The following PLD1 variants were observed in gnomAD, a reference collection of about 807,000 sequenced individuals.
PLD1 encodes phospholipase D1, also known as choline phosphatase 1.
A neutral mutation model predicts 137.1 loss-of-function variants in PLD1; 112 were observed. The ratio of observed to expected loss-of-function variants is 0.82; its 90% CI spans 0.70 to 0.96. The LOEUF (loss-of-function observed/expected upper bound fraction) is 0.96. PLD1 is among the 40% of genes least tolerant of loss of function. The pLI is 0.00. For synonymous variants in PLD1, 431 were observed against 454.7 expected, an observed-to-expected ratio of 0.95 and a Z score of 0.66; for missense variants, 1,321 against 1,342.0, an observed-to-expected ratio of 0.98 and a Z score of 0.24.
At chr3:171,688,639 C>T (rs759234686) in intron 14 of PLD1, 37 bp downstream of exon 14, 35 of 1,419,914 alleles carry the variant, frequency 2.5e-5, no homozygotes, top group Non-Finnish European at 3.3e-5. Flanking sequence ...AAATTATGTT[C>T]GTGTTATACA....
At position 171,654,445 on chromosome 3, in the gene PLD1, G is replaced by A. The variant is rs1261443078; in HGVS notation, c.2429+4768C>T. On this transcript the variant is annotated intron_variant, in intron 21 of 26. Transcript: ENST00000351298. ...TCAACTGACTATTTTCATTGTGTGTGTCAACTGTTTGTTGCTAACACTATA... is the reference window on the plus strand; with the variant it reads ...TCAACTGACTATTTTCATTGTGTGTATCAACTGTTTGTTGCTAACACTATA... Among the ~76,000 whole-genome samples, 5 of 151,978 alleles carry A rather than the reference G, an allele frequency of 3.3e-5. No homozygotes were observed. The East Asian group carries it at 7.7e-4, about 23-fold the overall frequency.
chr3:171,800,270 G>A (rs193236410), intron 1 of PLD1, among the ~76,000 whole-genome samples: 8 of 152,130 alleles, frequency 5.3e-5, no homozygotes, highest in East Asian at 3.9e-4. Context: ...GTGAAGTGGC[G>A]TGATCTCGGC....
At chr3:171,720,470 T>C (rs1428977557) in intron 8 of PLD1, among the ~76,000 whole-genome samples, 4 of 151,454 alleles carry the variant, frequency 2.6e-5, no homozygotes, top group Non-Finnish European at 2.9e-5. Flanking sequence ...TAGTCCCAGC[T>C]ACTCGGAGAG....
chr3:171,805,032 A>T (rs1444362939), intron 1 of PLD1, among the ~76,000 whole-genome samples: 6 of 152,188 alleles, frequency 3.9e-5, no homozygotes, highest in Non-Finnish European at 7.4e-5. Flanking sequence ...TTTGAAAAAG[A>T]TCACTGTTAA....
chr3:171,644,849 T>C, intron 22 of PLD1, 61 bp downstream of exon 22: 1 of 945,620 alleles, frequency 1.1e-6, no homozygotes, highest in Non-Finnish European at 1.8e-6. Context: ...TGCCATTCCC[T>C]TCATCAGCTT....
At chr3:171,657,786 G>A (rs777895719) in intron 21 of PLD1, among the ~76,000 whole-genome samples, 10 of 151,708 alleles carry the variant, frequency 6.6e-5, no homozygotes, top group Non-Finnish European at 1.0e-4. Context: ...AAGGACAAGC[G>A]ATACAAGGAA....
intron 1 of PLD1, among the ~76,000 whole-genome samples, chr3:171,783,753 C>T (rs749161681): frequency 6.6e-6 from 1 of 152,082 alleles, no homozygotes; most frequent in Non-Finnish European, 1.5e-5. Flanking sequence ...AGTGATTTTC[C>T]CACCTCATCC....
At chr3:171,629,549 T>C (rs1246983145) in intron 23 of PLD1, among the ~76,000 whole-genome samples, 2 of 152,066 alleles carry the variant, frequency 1.3e-5, no homozygotes, top group Non-Finnish European at 2.9e-5. Context: ...GAGCCCGCAT[T>C]GCCAAGTCAA....
intron 1 of PLD1, among the ~76,000 whole-genome samples, chr3:171,761,984 C>CTCTA (rs760778438): frequency 6.6e-5 from 10 of 152,212 alleles, no homozygotes; most frequent in Non-Finnish European, 1.5e-4. Flanking sequence ...TAACTTTGGA[C>CTCTA]TCTATCTTCT....
intron 1 of PLD1, among the ~76,000 whole-genome samples, chr3:171,803,748 C>T (rs1030827064): frequency 1.3e-5 from 2 of 152,064 alleles, no homozygotes; most frequent in African/African-American, 4.8e-5. Flanking sequence ...AAAGAAATTC[C>T]TATCATGGCC....
At chr3:171,748,646 T>C (rs529269944) in intron 1 of PLD1, among the ~76,000 whole-genome samples, 1 of 152,192 alleles carries the variant, frequency 6.6e-6, no homozygotes, top group African/African-American at 2.4e-5. Flanking sequence ...TTTCAATTTT[T>C]TGGCCATCTA....
intron 1 of PLD1, among the ~76,000 whole-genome samples, chr3:171,784,761 C>G (rs932767849): frequency 6.6e-6 from 1 of 152,186 alleles, no homozygotes; most frequent in Admixed American, 6.5e-5. Flanking sequence ...AGCTTTTTAC[C>G]TGCCACACAT....
At chr3:171,804,568 G>A (rs75501164) in intron 1 of PLD1, among the ~76,000 whole-genome samples, 3,186 of 152,172 alleles carry the variant, frequency 0.021, 119 homozygotes, top group African/African-American at 0.074. Flanking sequence ...CCTCTCACAC[G>A]GAAGACAGAC....
chr3:171,626,102 G>GA (rs984031329), intron 23 of PLD1, among the ~76,000 whole-genome samples: 55 of 152,056 alleles, frequency 3.6e-4, no homozygotes, highest in Non-Finnish European at 5.6e-4. Context: ...TGAAAACTTT[G>GA]AAAAAAATTC....
At chr3:171,799,696 T>C (rs1723570545) in intron 1 of PLD1, among the ~76,000 whole-genome samples, 1 of 152,196 alleles carries the variant, frequency 6.6e-6, no homozygotes, top group Admixed American at 6.5e-5. Flanking sequence ...ACAACTTCAG[T>C]GAGGTGATCA....
intron 21 of PLD1, among the ~76,000 whole-genome samples, chr3:171,645,841 G>A (rs1466043229): frequency 7.2e-6 from 1 of 138,370 alleles, no homozygotes. Flanking sequence ...CAGAGATCGC[G>A]CTACTGCACT....
intron 21 of PLD1, among the ~76,000 whole-genome samples, chr3:171,649,266 TAAC>T (rs1398083723): frequency 2.0e-5 from 3 of 152,218 alleles, no homozygotes; most frequent in Admixed American, 2.0e-4. Flanking sequence ...CTTAGCTCCA[TAAC>T]AAGCCCTTTG....
chr3:171,793,601 TAC>T (rs1239182184), intron 1 of PLD1: 1 of 152,150 alleles, frequency 6.6e-6, no homozygotes, highest in Non-Finnish European at 1.5e-5. Flanking sequence ...TTAAGTAAAA[TAC>T]AGTTACTTGA....
intron 21 of PLD1, among the ~76,000 whole-genome samples, chr3:171,646,794 C>T (rs1736261397): frequency 6.6e-6 from 1 of 152,076 alleles, no homozygotes; most frequent in African/African-American, 2.4e-5. Flanking sequence ...GCCTCAACTG[C>T]CTTTTCAGAA....
Sources: allele counts gnomAD v4.1 joint callset (sites outside exome capture counted in the v4.1 genomes callset), GRCh38; gene constraint gnomAD v4.1.1; transcripts MANE v1.5; gene names NCBI Gene and HGNC (gene_info 2026-07-23, HGNC 2026-07-21).